The following COL4A4 variants were observed in gnomAD, a reference collection of about 807,000 sequenced individuals.
COL4A4 encodes collagen type IV alpha 4 chain.
Under a neutral mutation model 192.9 loss-of-function variants are expected in COL4A4, and 105 were observed. The ratio of observed to expected loss-of-function variants is 0.54; its 90% CI spans 0.46 to 0.64. The LOEUF (loss-of-function observed/expected upper bound fraction) is 0.64. Among genes scored for constraint, COL4A4 ranks in the 30% least tolerant of loss-of-function variants. The probability of loss-of-function intolerance (pLI) is 0.00; values close to 1 mark genes in which losing one functional copy is unlikely to be tolerated. For synonymous variants in COL4A4, 762 were observed against 769.9 expected, an observed-to-expected ratio of 0.99 and a Z score of 0.17; for missense variants, 1,967 against 2,169.3, an observed-to-expected ratio of 0.91 and a Z score of 1.85.
Position 227,057,907 on chromosome 2 carries a change from T to C in COL4A4, c.2384-307A>G, listed in dbSNP as rs3769637. On this transcript the variant is annotated intron_variant, in intron 28 of 47. Transcript: ENST00000396625. ...CTCTAACTTTGCATCAGGCTTTACA[T>C]CAAATCTCTACAATATTTACAAACC... is the stretch of plus-strand genomic sequence containing the variant. Among the ~76,000 whole-genome samples the C allele has an allele frequency of 0.66, 100,862 of 152,130 alleles. 34,357 individuals carry two copies. The highest frequency in any genetic ancestry group is 0.82 in the African/African-American group (33,965 of 41,502).
chr2:227,102,261 G>T (rs368341656), intron 15 of COL4A4, among the ~76,000 whole-genome samples: 4 of 152,170 alleles, frequency 2.6e-5, no homozygotes, highest in African/African-American at 9.7e-5. Flanking sequence ...ATTAATAGTT[G>T]CTCTGTGCAT....
At chr2:227,087,615 C>T (rs2059674247) in intron 22 of COL4A4, among the ~76,000 whole-genome samples, 1 of 152,172 alleles carries the variant, frequency 6.6e-6, no homozygotes, top group Non-Finnish European at 1.5e-5. Context: ...CCCAGCACCA[C>T]CACATTAAGG....
At chr2:227,001,073 G>A (rs778698851), downstream of COL4A4, among the ~76,000 whole-genome samples, 39 of 152,024 alleles carry the variant, frequency 2.6e-4, no homozygotes, top group South Asian at 2.1e-3. Context: ...CAGGAGACAC[G>A]GCTGGTTTTC....
intron 23 of COL4A4, among the ~76,000 whole-genome samples, chr2:227,081,047 G>T (rs2059297663): frequency 1.3e-5 from 2 of 152,178 alleles, no homozygotes; most frequent in Non-Finnish European, 2.9e-5. Context: ...GATGAAAGAT[G>T]CAGGGAGAGC....
chr2:227,089,814 C>T lies in COL4A4; in HGVS notation c.1459+54G>A, dbSNP rs376345562. ...ACATTACACATCTCAGAAATGCCCC[C>T]GATCATCCATGTACAGTTGTCTTCT... On this transcript the variant is annotated intron_variant, in intron 21 of 47. Transcript: ENST00000396625. The T allele has an allele frequency of 4.8e-5, 68 of 1,426,040 alleles. No homozygotes were observed. In the African/African-American group the frequency reaches 5.1e-4, roughly 11 times the overall value. The allele number at this position is 1,426,040 out of a possible 1,614,324, so 88.3% of individuals were successfully genotyped here. A position where few individuals can be genotyped will look rare whatever the true frequency, so the allele number is the denominator to read the frequency against.
At chr2:227,099,776 T>C in intron 17 of COL4A4, 87 bp from the exon 18 acceptor site, 1 of 1,118,530 alleles carries the variant, frequency 8.9e-7, no homozygotes, top group South Asian at 1.3e-5. Flanking sequence ...AACGATCATG[T>C]GCACATTCAT....
At chr2:227,045,813 TATACACATATATATATATAC>T (rs1313781018) in intron 35 of COL4A4, among the ~76,000 whole-genome samples, 1 of 34,992 alleles carries the variant, frequency 2.9e-5, no homozygotes, top group African/African-American at 1.6e-4. Flanking sequence ...TATATATATA[TATACACATATATATATATAC>T]ACACATATAT....
At chr2:226,973,992 G>A in the COL4A4 span, among the ~76,000 whole-genome samples, 25 of 152,188 alleles carry the variant, frequency 1.6e-4, no homozygotes, top group Non-Finnish European at 3.2e-4. Flanking sequence ...TTGTGGGTAA[G>A]AGGCCCAGTG....
the COL4A4 span, among the ~76,000 whole-genome samples, chr2:226,971,280 G>C: frequency 6.6e-6 from 1 of 152,294 alleles, no homozygotes; most frequent in Admixed American, 6.5e-5. Context: ...ATGCCCAAGT[G>C]AGTGAGAGAA....
intron 1 of COL4A4, among the ~76,000 whole-genome samples, 197 bp from the exon 2 acceptor site, chr2:227,147,781 A>G (rs1367970870): frequency 1.3e-5 from 2 of 150,636 alleles, no homozygotes; most frequent in African/African-American, 4.9e-5. Flanking sequence ...TATATCATGA[A>G]TATATTTTTG....
At chr2:227,128,298 T>C (rs1357823315) in intron 4 of COL4A4, among the ~76,000 whole-genome samples, 1 of 152,242 alleles carries the variant, frequency 6.6e-6, no homozygotes, top group Non-Finnish European at 1.5e-5. Flanking sequence ...AAGCCTCTTC[T>C]TATTTTTACA....
At chr2:227,042,905 C>T (rs1971743752) in intron 36 of COL4A4, among the ~76,000 whole-genome samples, 172 bp downstream of exon 36, 1 of 152,222 alleles carries the variant, frequency 6.6e-6, no homozygotes, top group African/African-American at 2.4e-5. Context: ...TCAGTGAAAC[C>T]CACTAGCTTA....
At chr2:227,050,887 A>G (rs1973952197) in intron 33 of COL4A4, 90 bp downstream of exon 33, 2 of 1,474,074 alleles carry the variant, frequency 1.4e-6, no homozygotes, top group Non-Finnish European at 1.9e-6. Context: ...GGGCAATGGT[A>G]TATACGCTGG....
At chr2:227,140,356 A>G (rs2063119069) in intron 3 of COL4A4, 118 bp from the exon 4 acceptor site, 1 of 786,404 alleles carries the variant, frequency 1.3e-6, no homozygotes, top group South Asian at 1.5e-5. Flanking sequence ...AGAAAAGACT[A>G]ATCATGACAT....
At chr2:227,051,183 G>T in intron 32 of COL4A4, 25 bp from the exon 33 acceptor site, 1 of 1,613,472 alleles carries the variant, frequency 6.2e-7, no homozygotes, top group South Asian at 1.1e-5. Context: ...AGTGTTACAG[G>T]TCTCTGCTGA....
Position 227,005,709 on chromosome 2 carries a change from A to G in COL4A4, c.*1616T>C, listed in dbSNP as rs1347477954. ...AGGTTTGGCAAGGAAAACATTTCTT[A>G]TAAACAAAATTTTAATTGAGTTTTT... On this transcript the variant is annotated 3_prime_UTR_variant, in exon 48 of 48. Transcript: ENST00000396625. The G allele has an allele frequency of 9.9e-5, 15 of 152,252 alleles. No homozygotes were observed. The highest frequency in any genetic ancestry group is 9.8e-4 in the Admixed American group (15 of 15,284). The allele number at this position is 152,252 out of a possible 1,614,324, so 9.4% of individuals were successfully genotyped here.
chr2:227,025,561 ATAAGCAAAGGCTC>A (rs1248122297), intron 43 of COL4A4, among the ~76,000 whole-genome samples: 1 of 152,218 alleles, frequency 6.6e-6, no homozygotes, highest in African/African-American at 2.4e-5. Context: ...TTGAAACTAT[ATAAGCAAAGGCTC>A]TACACTGCCT....
chr2:227,030,509 G>A lies in COL4A4; in HGVS notation c.3907C>T (p.Pro1303Ser), dbSNP rs1317824051. Residue 1303 changes from proline (P) to serine (S), a missense_variant, in exon 41 of 48, where the codon CCT becomes TCT. Transcript: ENST00000396625. ...TATCCTGGAGGGCCTGGTGGGCCAG[G>A]GGGACCTGGTGGCCCTGGTAGACCA... Reference protein sequence around the residue: ...DCGLPGPPGPPGPPGPPGYKG... With the variant: ...DCGLPGPPGPSGPPGPPGYKG... 1 of 1,613,938 alleles carries A rather than the reference G, an allele frequency of 6.2e-7. No individual in the cohort carries two copies. Among genetic ancestry groups the A allele is most frequent in the Non-Finnish European group, 8.5e-7 (1 of 1,180,006 alleles).
intron 25 of COL4A4, among the ~76,000 whole-genome samples, chr2:227,066,909 G>C (rs1255702563): frequency 6.6e-6 from 1 of 150,678 alleles, no homozygotes; most frequent in Non-Finnish European, 1.5e-5. Context: ...CCAATTAAAA[G>C]ACACAGACTG....
Sources: gnomAD v4.1 joint callset for allele counts (sites outside exome capture counted in the v4.1 genomes callset) on GRCh38, gnomAD v4.1.1 for gene constraint, MANE v1.5 for transcripts, NCBI Gene and HGNC (gene_info 2026-07-23, HGNC 2026-07-21) for gene names.